Variants in VPS13B observed in about 807,000 individuals in gnomAD.
VPS13B encodes intermembrane lipid transfer protein VPS13B.
In VPS13B, 285 loss-of-function variants were observed where a neutral mutation model predicts 426.4. The observed-to-expected ratio is 0.67, with a 90% CI of 0.61 to 0.74. The LOEUF is 0.74. Among genes scored for constraint, VPS13B ranks in the 30% least tolerant of loss-of-function variants. VPS13B has a pLI of 0.00. For missense variants in VPS13B, 4,537 were observed against 4,782.6 expected, an observed-to-expected ratio of 0.95 and a Z score of 1.51; for synonymous variants, 1,676 against 1,676.4, an observed-to-expected ratio of 1.00 and a Z score of 0.01.
chr8:99,579,191 G>GTT (rs1183044602), intron 33 of VPS13B, among the ~76,000 whole-genome samples: 2 of 152,074 alleles, frequency 1.3e-5, no homozygotes, highest in African/African-American at 4.8e-5. Flanking sequence ...GGACATATCT[G>GTT]TAAAACTTTC....
intron 19 of VPS13B, among the ~76,000 whole-genome samples, chr8:99,333,773 A>ATGT (rs1008960994): frequency 8.6e-5 from 13 of 151,950 alleles, no homozygotes; most frequent in Non-Finnish European, 1.3e-4. Context: ...TAGTCATGTA[A>ATGT]TATATAACCT....
At chr8:99,695,663 C>T (rs1348876436) in intron 35 of VPS13B, among the ~76,000 whole-genome samples, 3 of 125,408 alleles carry the variant, frequency 2.4e-5, no homozygotes, top group African/African-American at 9.2e-5. Flanking sequence ...CTAACCTGCA[C>T]AATGTGCACA....
chr8:99,268,660 C>T (rs1358550590), intron 17 of VPS13B, among the ~76,000 whole-genome samples: 1 of 152,144 alleles, frequency 6.6e-6, no homozygotes, highest in African/African-American at 2.4e-5. Flanking sequence ...AAGTTACAGG[C>T]TCATAGGCAG....
At chr8:99,681,727 A>C (rs1244478235) in intron 35 of VPS13B, among the ~76,000 whole-genome samples, 2 of 152,204 alleles carry the variant, frequency 1.3e-5, no homozygotes, top group African/African-American at 4.8e-5. Flanking sequence ...GCTCTGCTAG[A>C]TTTTCAAACG....
At chr8:99,649,088 T>G (rs1429042553) in intron 34 of VPS13B, among the ~76,000 whole-genome samples, 1 of 152,180 alleles carries the variant, frequency 6.6e-6, no homozygotes, top group African/African-American at 2.4e-5. Flanking sequence ...CCATGTTCAT[T>G]CCAATTACTG....
intron 15 of VPS13B, among the ~76,000 whole-genome samples, chr8:99,167,976 T>C (rs1812109311): frequency 6.6e-6 from 1 of 152,170 alleles, no homozygotes; most frequent in African/African-American, 2.4e-5. Flanking sequence ...TAAGTATTTA[T>C]AGTCTTGGTC....
chr8:99,824,957 T>A (rs1290538002), intron 51 of VPS13B, among the ~76,000 whole-genome samples: 1 of 152,264 alleles, frequency 6.6e-6, no homozygotes, highest in African/African-American at 2.4e-5. Context: ...TGTGCCACAT[T>A]TTATTTATCC....
intron 25 of VPS13B, among the ~76,000 whole-genome samples, chr8:99,491,636 C>A (rs1301144113): frequency 6.6e-6 from 1 of 152,104 alleles, no homozygotes; most frequent in African/African-American, 2.4e-5. Flanking sequence ...GATATCCTTT[C>A]TTCCACTTGA....
chr8:99,573,146 G>A (rs1317556446), intron 31 of VPS13B, among the ~76,000 whole-genome samples: 1 of 151,994 alleles, frequency 6.6e-6, no homozygotes, highest in African/African-American at 2.4e-5. Context: ...TTTTTGATGG[G>A]GTTGCTTTTT....
chr8:99,697,875 A>T lies in VPS13B; in HGVS notation c.6047-1650A>T, dbSNP rs1197244983. The T allele has an allele frequency of 2.1e-5, 11 of 531,966 alleles. No homozygotes were observed. The East Asian group carries it at 4.8e-4, about 23-fold the overall frequency. 33.0% of individuals were successfully genotyped at this position (531,966 alleles called of 1,614,324 possible). A position where few individuals can be genotyped will look rare whatever the true frequency, so the allele number is the denominator to read the frequency against. The stretch of plus-strand genomic sequence containing the variant: ...GACAAGAATGGCAAGGTCAACATCA[A>T]TGACCTCATCAATGTGATTGAGTTG... On this transcript the variant is annotated intron_variant, in intron 35 of 61. Transcript: ENST00000357162.
intron 29 of VPS13B, among the ~76,000 whole-genome samples, chr8:99,514,714 TG>T (rs1168491857): frequency 6.6e-6 from 1 of 152,222 alleles, no homozygotes; most frequent in Non-Finnish European, 1.5e-5. Flanking sequence ...CACCCTTTTT[TG>T]GTTTAATGTG....
chr8:99,142,331 A>G (rs181254277), intron 12 of VPS13B, among the ~76,000 whole-genome samples: 20 of 152,370 alleles, frequency 1.3e-4, no homozygotes, highest in Admixed American at 1.3e-3. Context: ...CATGTATACA[A>G]AAAACCTCTC....
intron 21 of VPS13B, among the ~76,000 whole-genome samples, chr8:99,404,692 G>C (rs1004014445): frequency 6.6e-6 from 1 of 152,100 alleles, no homozygotes; most frequent in Non-Finnish European, 1.5e-5. Context: ...AAATAATGAT[G>C]AGTGTAAAAT....
intron 33 of VPS13B, among the ~76,000 whole-genome samples, chr8:99,621,630 C>G (rs765478130): frequency 6.6e-6 from 1 of 152,042 alleles, no homozygotes; most frequent in African/African-American, 2.4e-5. Context: ...TTCGCTATAA[C>G]AGAATCTGAC....
chr8:99,245,894 CTCATT>C (rs1817192735), intron 17 of VPS13B, among the ~76,000 whole-genome samples: 2 of 152,326 alleles, frequency 1.3e-5, no homozygotes, highest in Admixed American at 1.3e-4. Context: ...TTTACTGTCT[CTCATT>C]TCAGTTTTTC....
chr8:99,184,922 G>A (rs562742942), intron 16 of VPS13B, among the ~76,000 whole-genome samples: 12 of 152,302 alleles, frequency 7.9e-5, no homozygotes, highest in Admixed American at 2.6e-4. Context: ...ACCTGGAGGC[G>A]GAGGCTGCAG....
At chr8:99,669,946 C>G (rs1830639347) in intron 35 of VPS13B, among the ~76,000 whole-genome samples, 1 of 152,008 alleles carries the variant, frequency 6.6e-6, no homozygotes, top group Non-Finnish European at 1.5e-5. Context: ...ACAAACCTTT[C>G]TGATTTGAAT....
chr8:99,508,031 A>T, intron 28 of VPS13B: 2 of 1,467,898 alleles, frequency 1.4e-6, no homozygotes, highest in Admixed American at 3.5e-5. Flanking sequence ...TAAACTTTAT[A>T]AATGAAGTAT....
At chr8:99,124,364 C>G (rs780745532) in intron 8 of VPS13B, among the ~76,000 whole-genome samples, 33 of 152,148 alleles carry the variant, frequency 2.2e-4, no homozygotes, top group Non-Finnish European at 4.7e-4. Flanking sequence ...TTTGGTGGTT[C>G]CACAAAAAAT....
Sources: gnomAD v4.1 joint callset for allele counts (sites outside exome capture counted in the v4.1 genomes callset) on GRCh38, gnomAD v4.1.1 for gene constraint, MANE v1.5 for transcripts, NCBI Gene and HGNC (gene_info 2026-07-23, HGNC 2026-07-21) for gene names.